COL24A1: variants seen among roughly 807,000 people sequenced by gnomAD.
COL24A1 encodes collagen type XXIV alpha 1 chain, also known as collagen alpha-1(XXIV) chain.
A neutral mutation model predicts 253.9 loss-of-function variants in COL24A1; 224 were observed. The observed-to-expected ratio is 0.88, with a 90% CI of 0.79 to 0.99. The LOEUF is 0.99. Ranked by LOEUF, COL24A1 falls within the 50% of genes least tolerant of loss-of-function variation. The probability of loss-of-function intolerance (pLI) is 0.00; values close to 1 mark genes in which losing one functional copy is unlikely to be tolerated. For missense variants in COL24A1, 2,131 were observed against 2,068.5 expected (o/e 1.03, Z -0.59); for synonymous variants, 685 against 673.7 (o/e 1.02, Z -0.26).
At chr1:85,839,425 T>C (rs1472787636) in intron 42 of COL24A1, among the ~76,000 whole-genome samples, 1 of 151,892 alleles carries the variant, frequency 6.6e-6, no homozygotes, top group Non-Finnish European at 1.5e-5. Context: ...CCATTCTTCA[T>C]GAGAAAGTCT....
At chr1:86,018,296 A>T (rs1219691349) in intron 18 of COL24A1, among the ~76,000 whole-genome samples, 1 of 152,230 alleles carries the variant, frequency 6.6e-6, no homozygotes, top group Non-Finnish European at 1.5e-5. Flanking sequence ...GACATAAAAC[A>T]GGACACCATA....
chr1:85,983,080 C>A lies in COL24A1; in HGVS notation c.2364+4521G>T, dbSNP rs1386202946. Among the ~76,000 whole-genome samples the A allele has an allele frequency of 2.0e-5, 3 of 152,014 alleles. No individual in the cohort carries two copies. In the East Asian group the frequency reaches 5.8e-4, roughly 29 times the overall value. ...ATTTCCATATATTACACAACATAAT[C>A]CCACAAATAGTAAGCTTTCTATAAA... On this transcript the variant is annotated intron_variant, in intron 20 of 59. Coordinates refer to ENST00000370571, the MANE Select transcript of COL24A1 (RefSeq NM_152890.7).
At chr1:85,816,725 A>T in intron 47 of COL24A1, 63 bp downstream of exon 47, 1 of 1,383,900 alleles carries the variant, frequency 7.2e-7, no homozygotes, top group Non-Finnish European at 1.0e-6. Context: ...CAAAATATCT[A>T]TGGTCTAGCA....
At chr1:85,886,438 G>T (rs1406792482) in intron 32 of COL24A1, among the ~76,000 whole-genome samples, 1 of 151,646 alleles carries the variant, frequency 6.6e-6, no homozygotes, top group African/African-American at 2.4e-5. Flanking sequence ...GGCAGAGGCG[G>T]GTGGATCACA....
intron 37 of COL24A1, among the ~76,000 whole-genome samples, chr1:85,856,627 G>A (rs75241249): frequency 0.03 from 4,492 of 152,054 alleles, 85 homozygotes; most frequent in Middle Eastern, 0.082. Flanking sequence ...AACTTTACGC[G>A]TCCAAAACCA....
intron 32 of COL24A1, among the ~76,000 whole-genome samples, chr1:85,882,913 A>G (rs1026250866): frequency 7.2e-5 from 11 of 152,148 alleles, no homozygotes; most frequent in African/African-American, 2.4e-4. Flanking sequence ...AAATATAAAT[A>G]TTTCCAGCTT....
At chr1:85,869,392 T>C (rs1375044383) in intron 35 of COL24A1, among the ~76,000 whole-genome samples, 2 of 152,016 alleles carry the variant, frequency 1.3e-5, no homozygotes, top group African/African-American at 4.8e-5. Context: ...AGACACATAA[T>C]TGTCAGATTC....
chr1:85,761,382 C>G lies in COL24A1; in HGVS notation c.4437+14G>C, dbSNP rs750290446. The G allele has an allele frequency of 6.2e-7, 1 of 1,613,636 alleles. No individual in the cohort carries two copies. Among genetic ancestry groups the G allele is most frequent in the Admixed American group, 1.7e-5 (1 of 59,968 alleles). Reference sequence around the variant, plus strand: ...TAAGATAAAACAAAACAAAATCAAACCAAGCAAACTTACTCTTGGGCCTGG... The same window carrying G: ...TAAGATAAAACAAAACAAAATCAAAGCAAGCAAACTTACTCTTGGGCCTGG... On this transcript the variant is annotated intron_variant, in intron 55 of 59. Transcript: ENST00000370571.
chr1:85,891,850 A>T (rs1437507411), intron 31 of COL24A1, among the ~76,000 whole-genome samples: 1 of 152,084 alleles, frequency 6.6e-6, no homozygotes, highest in Non-Finnish European at 1.5e-5. Flanking sequence ...GCTACGAAAT[A>T]ATTTAAGTGG....
chr1:86,026,744 A>G (rs587650), intron 14 of COL24A1, among the ~76,000 whole-genome samples: 52,250 of 152,132 alleles, frequency 0.34, 9,681 homozygotes, highest in Middle Eastern at 0.52. Context: ...ATGTGAAAGC[A>G]ACTTTGGAAC....
chr1:86,135,450 A>T (rs1014919478), intron 2 of COL24A1, among the ~76,000 whole-genome samples: 1 of 151,978 alleles, frequency 6.6e-6, no homozygotes, highest in African/African-American at 2.4e-5. Flanking sequence ...AAAAATTCGT[A>T]TTATGAGTAT....
At position 85,908,633 on chromosome 1, in the gene COL24A1, C is replaced by G. The variant is rs968596062; in HGVS notation, c.2689G>C (p.Gly897Arg). 2 of 1,450,704 alleles carry G rather than the reference C, an allele frequency of 1.4e-6. No homozygotes were observed. The highest frequency in any genetic ancestry group is 1.8e-6 in the Non-Finnish European group (2 of 1,084,704). The allele number at this position is 1,450,704 out of a possible 1,614,324, so 89.9% of individuals were successfully genotyped here. A position where few individuals can be genotyped will look rare whatever the true frequency, so the allele number is the denominator to read the frequency against. Reference sequence around the variant, plus strand: ...AATGGACCGATAGGTCCTGGAACCCCAGGAGGACCTGGATATCCCTATAAT... The same window carrying G: ...AATGGACCGATAGGTCCTGGAACCCGAGGAGGACCTGGATATCCCTATAAT... Reference protein sequence around the residue: ...KGVMGYPGPPGVPGPIGPLGL... With the variant: ...KGVMGYPGPPRVPGPIGPLGL... The change falls in exon 27 of 60, where the codon GGG becomes CGG. Residue 897 changes from glycine (G) to arginine (R), a missense_variant. By Grantham distance (125) the Gly-to-Arg change is moderately radical. Coordinates refer to ENST00000370571, the MANE Select transcript of COL24A1 (RefSeq NM_152890.7).
intron 37 of COL24A1, among the ~76,000 whole-genome samples, chr1:85,855,386 C>A (rs1210462476): frequency 6.6e-6 from 1 of 152,080 alleles, no homozygotes; most frequent in Non-Finnish European, 1.5e-5. Flanking sequence ...GAGGTATGTA[C>A]TTTCAATGTC....
chr1:85,881,234 T>C (rs775837809), intron 32 of COL24A1, among the ~76,000 whole-genome samples: 1 of 111,266 alleles, frequency 9.0e-6, no homozygotes, highest in East Asian at 2.6e-4. Flanking sequence ...TTGAGGAAGA[T>C]ATTGATGGAT....
chr1:86,032,633 G>A (rs1370299307), intron 13 of COL24A1, among the ~76,000 whole-genome samples: 1 of 152,010 alleles, frequency 6.6e-6, no homozygotes, highest in Non-Finnish European at 1.5e-5. Context: ...AAGGCACAAA[G>A]TACATGAATG....
At chr1:85,933,050 C>T (rs1165601924) in intron 24 of COL24A1, among the ~76,000 whole-genome samples, 4 of 124,610 alleles carry the variant, frequency 3.2e-5, no homozygotes, top group African/African-American at 1.3e-4. Flanking sequence ...AACTAACCTG[C>T]ACAATGTGCA....
intron 19 of COL24A1, among the ~76,000 whole-genome samples, chr1:86,014,658 C>A (rs773852089): frequency 1.3e-5 from 2 of 152,022 alleles, no homozygotes; most frequent in South Asian, 4.1e-4. Flanking sequence ...CCACATTCTA[C>A]CCAACTTTTC....
At chr1:86,076,984 T>G (rs1702297539) in intron 7 of COL24A1, among the ~76,000 whole-genome samples, 1 of 152,094 alleles carries the variant, frequency 6.6e-6, no homozygotes, top group African/African-American at 2.4e-5. Flanking sequence ...AAAGCCAAAA[T>G]TGACAAATGG....
intron 24 of COL24A1, among the ~76,000 whole-genome samples, chr1:85,912,095 T>C (rs935972241): frequency 6.6e-6 from 1 of 152,162 alleles, no homozygotes; most frequent in Admixed American, 6.6e-5. Context: ...TTAGCACAGA[T>C]GGTCAGGGAA....
Sources: gnomAD v4.1 joint callset for allele counts (sites outside exome capture counted in the v4.1 genomes callset) on GRCh38, gnomAD v4.1.1 for gene constraint, MANE v1.5 for transcripts, NCBI Gene and HGNC (gene_info 2026-07-23, HGNC 2026-07-21) for gene names.